Variants in CLNK observed in about 807,000 individuals in gnomAD.
CLNK encodes cytokine-dependent hematopoietic cell linker.
Under a neutral mutation model 68.6 loss-of-function variants are expected in CLNK, and 74 were observed. The observed-to-expected ratio is 1.08, with a 90% CI of 0.89 to 1.31. CLNK has a LOEUF of 1.31. CLNK is among the 50% of genes most tolerant of loss of function. The probability of loss-of-function intolerance (pLI) is 0.00; values close to 1 mark genes in which losing one functional copy is unlikely to be tolerated. For missense variants in CLNK, 553 were observed against 515.3 expected, an observed-to-expected ratio of 1.07 and a Z score of -0.71; for synonymous variants, 198 against 172.2, an observed-to-expected ratio of 1.15 and a Z score of -1.17.
chr4:10,496,730 C>T (rs1553842726), intron 18 of CLNK, among the ~76,000 whole-genome samples: 1 of 152,210 alleles, frequency 6.6e-6, no homozygotes. Context: ...AATGGAAACA[C>T]TTCAGTTATG....
chr4:10,521,825 G>T (rs182965939), intron 14 of CLNK, among the ~76,000 whole-genome samples: 193 of 152,142 alleles, frequency 1.3e-3, no homozygotes, highest in Non-Finnish European at 1.3e-3. Flanking sequence ...GAAAAAATAG[G>T]GAATAGCAAA....
At chr4:10,682,808 A>G (rs1725142615) in intron 1 of CLNK, among the ~76,000 whole-genome samples, 1 of 152,206 alleles carries the variant, frequency 6.6e-6, no homozygotes, top group Admixed American at 6.5e-5. Flanking sequence ...AGATCATTCA[A>G]GAAGAAAATA....
At chr4:10,695,700 A>G in the CLNK span, among the ~76,000 whole-genome samples, 1 of 152,200 alleles carries the variant, frequency 6.6e-6, no homozygotes, top group African/African-American at 2.4e-5. Context: ...CAGCTTTCCA[A>G]GTACATGGTG....
At chr4:10,555,933 A>G (rs1719658133) in intron 8 of CLNK, among the ~76,000 whole-genome samples, 1 of 152,194 alleles carries the variant, frequency 6.6e-6, no homozygotes, top group Non-Finnish European at 1.5e-5. Context: ...GGGAACCATC[A>G]ATTATGGAAA....
the CLNK span, among the ~76,000 whole-genome samples, chr4:10,723,275 G>A: frequency 2.6e-5 from 4 of 152,170 alleles, no homozygotes; most frequent in African/African-American, 2.4e-5. Flanking sequence ...CTTACGATCC[G>A]TGCTTCCAGA....
intron 18 of CLNK, among the ~76,000 whole-genome samples, chr4:10,494,066 T>C (rs772256533): frequency 6.6e-6 from 1 of 152,232 alleles, no homozygotes; most frequent in East Asian, 1.9e-4. Flanking sequence ...AAGAAGTTTG[T>C]AGACCATTAC....
chr4:10,659,062 G>C (rs570789436), intron 2 of CLNK, among the ~76,000 whole-genome samples: 1 of 152,240 alleles, frequency 6.6e-6, no homozygotes, highest in East Asian at 1.9e-4. Flanking sequence ...AAATGAGCTG[G>C]GCATGGTGGT....
At chr4:10,623,822 A>G (rs1006763611) in intron 2 of CLNK, among the ~76,000 whole-genome samples, 1 of 152,222 alleles carries the variant, frequency 6.6e-6, no homozygotes. Context: ...CAGAAGGAGA[A>G]CCCAACCCTA....
At chr4:10,522,086 G>A (rs532443722) in intron 14 of CLNK, among the ~76,000 whole-genome samples, 19 of 151,768 alleles carry the variant, frequency 1.3e-4, no homozygotes, top group African/African-American at 4.1e-4. Context: ...GTGAAATCCC[G>A]TCTCTACTAA....
chr4:10,658,643 T>C (rs1724073308), intron 2 of CLNK, among the ~76,000 whole-genome samples: 2 of 152,144 alleles, frequency 1.3e-5, no homozygotes, highest in Admixed American at 1.3e-4. Context: ...GGCTTGGGTG[T>C]CTACAGTAGA....
At chr4:10,573,851 TG>T (rs1720447049) in intron 4 of CLNK, among the ~76,000 whole-genome samples, 1 of 152,124 alleles carries the variant, frequency 6.6e-6, no homozygotes, top group South Asian at 2.1e-4. Flanking sequence ...AGACCCTGCC[TG>T]GAGCCTCTTC....
At chr4:10,633,902 C>A (rs1421852190) in intron 2 of CLNK, among the ~76,000 whole-genome samples, 1 of 152,202 alleles carries the variant, frequency 6.6e-6, no homozygotes, top group Non-Finnish European at 1.5e-5. Context: ...TGCTCAGTTG[C>A]ATAATGGTAA....
At chr4:10,691,472 C>T in the CLNK span, among the ~76,000 whole-genome samples, 1 of 152,096 alleles carries the variant, frequency 6.6e-6, no homozygotes, top group Non-Finnish European at 1.5e-5. Context: ...GACGTAAGTT[C>T]CAAATCTTTT....
At chr4:10,521,720 C>T (rs904676685) in intron 14 of CLNK, among the ~76,000 whole-genome samples, 3 of 152,138 alleles carry the variant, frequency 2.0e-5, no homozygotes, top group African/African-American at 4.8e-5. Flanking sequence ...ATGCTGTCAC[C>T]GCCAGTCAGA....
At chr4:10,598,594 A>G (rs1721470948) in intron 2 of CLNK, 2 of 363,764 alleles carry the variant, frequency 5.5e-6, no homozygotes, top group Non-Finnish European at 1.1e-5. Flanking sequence ...ATATTTATTG[A>G]GCTCCCATAT....
At chr4:10,729,370 A>G in the CLNK span, among the ~76,000 whole-genome samples, 1 of 152,198 alleles carries the variant, frequency 6.6e-6, no homozygotes, top group African/African-American at 2.4e-5. Flanking sequence ...TTCTCAAACA[A>G]CTGAAACAAA....
intron 2 of CLNK, among the ~76,000 whole-genome samples, chr4:10,604,017 TC>T (rs749307016): frequency 6.6e-6 from 1 of 152,096 alleles, no homozygotes; most frequent in Non-Finnish European, 1.5e-5. Context: ...AGGGCAGGTG[TC>T]CCCGGGGAGC....
At chr4:10,717,197 AT>A in the CLNK span, among the ~76,000 whole-genome samples, 2 of 152,162 alleles carry the variant, frequency 1.3e-5, no homozygotes, top group African/African-American at 4.8e-5. Flanking sequence ...CCCCCTCTCC[AT>A]GTCAGTGTCT....
chr4:10,680,062 G>GC (rs1725033888), intron 1 of CLNK, among the ~76,000 whole-genome samples: 1 of 152,016 alleles, frequency 6.6e-6, no homozygotes, highest in Non-Finnish European at 1.5e-5. Context: ...AAAGACACAT[G>GC]CACACGTATG....
Sources: allele counts gnomAD v4.1 joint callset (sites outside exome capture counted in the v4.1 genomes callset), GRCh38; gene constraint gnomAD v4.1.1; transcripts MANE v1.5; gene names NCBI Gene and HGNC (gene_info 2026-07-23, HGNC 2026-07-21).